Variants in RERE observed in about 807,000 individuals in gnomAD.
RERE encodes the protein arginine-glutamic acid dipeptide repeats protein.
RERE carries 40 observed loss-of-function variants against 146.1 expected under a neutral mutation model. That is an observed-to-expected ratio of 0.27 (90% CI 0.21 to 0.36). The LOEUF (loss-of-function observed/expected upper bound fraction) is 0.36, where lower values mean the gene tolerates loss of function less well. RERE is among the 10% of genes least tolerant of loss of function. The pLI, the probability that RERE is intolerant of heterozygous loss-of-function variation, is 1.00. For missense variants in RERE, 1,933 were observed against 2,138.7 expected, an observed-to-expected ratio of 0.90 and a Z score of 1.90; for synonymous variants, 1,003 against 866.0, an observed-to-expected ratio of 1.16 and a Z score of -2.78.
intron 1 of RERE, among the ~76,000 whole-genome samples, chr1:8,669,264 T>C (rs1450838140): frequency 6.6e-6 from 1 of 151,898 alleles, no homozygotes; most frequent in Non-Finnish European, 1.5e-5. Flanking sequence ...TCTGCAAAGA[T>C]GGGGTTTCAC....
At chr1:8,712,903 T>C (rs560721343) in intron 1 of RERE, among the ~76,000 whole-genome samples, 2 of 152,154 alleles carry the variant, frequency 1.3e-5, no homozygotes, top group East Asian at 3.9e-4. Flanking sequence ...GGTTGAGAAA[T>C]GTTTGTTTTA....
At chr1:8,606,433 T>G (rs1442179473) in intron 4 of RERE, among the ~76,000 whole-genome samples, 1 of 152,100 alleles carries the variant, frequency 6.6e-6, no homozygotes, top group African/African-American at 2.4e-5. Context: ...TATACATACT[T>G]TAAAAAAAAA....
At chr1:8,683,866 T>C (rs1228396517) in intron 1 of RERE, among the ~76,000 whole-genome samples, 1 of 152,068 alleles carries the variant, frequency 6.6e-6, no homozygotes, top group East Asian at 1.9e-4. Flanking sequence ...TGCTTGAACC[T>C]GGGAGGTGGA....
intron 1 of RERE, among the ~76,000 whole-genome samples, chr1:8,735,425 T>G (rs745995184): frequency 6.6e-6 from 1 of 152,236 alleles, no homozygotes; most frequent in South Asian, 2.1e-4. Context: ...CACACATATA[T>G]GTACATCTCT....
At chr1:8,373,016 T>C (rs1394276676) in intron 12 of RERE, among the ~76,000 whole-genome samples, 1 of 152,202 alleles carries the variant, frequency 6.6e-6, no homozygotes, top group African/African-American at 2.4e-5. Context: ...TCCGAAGCTA[T>C]TTCACAGGTC....
At chr1:8,693,038 T>C (rs530246783) in intron 1 of RERE, among the ~76,000 whole-genome samples, 167 of 151,808 alleles carry the variant, frequency 1.1e-3, no homozygotes, top group Non-Finnish European at 1.5e-3. Context: ...AGCAGTTATA[T>C]GAAAAAAAAA....
At chr1:8,564,826 A>ATGTGTG (rs796133984) in intron 4 of RERE, among the ~76,000 whole-genome samples, 7,912 of 117,072 alleles carry the variant, frequency 0.068, 373 homozygotes, top group East Asian at 0.16. Context: ...GTGTGTGTAT[A>ATGTGTG]TGTGTATGTG....
chr1:8,708,313 T>C (rs1639597104), intron 1 of RERE, among the ~76,000 whole-genome samples: 1 of 152,032 alleles, frequency 6.6e-6, no homozygotes, highest in African/African-American at 2.4e-5. Flanking sequence ...TTTGTTTTTG[T>C]TTTTGTTTTT....
At chr1:8,788,889 G>C (rs571754833) in intron 1 of RERE, among the ~76,000 whole-genome samples, 1 of 151,054 alleles carries the variant, frequency 6.6e-6, no homozygotes, top group Non-Finnish European at 1.5e-5. Context: ...GAGATGGCTC[G>C]GGGGAGTACA....
chr1:8,468,184 T>TAAA (rs1644628627), intron 10 of RERE, among the ~76,000 whole-genome samples: 1 of 152,202 alleles, frequency 6.6e-6, no homozygotes, highest in African/African-American at 2.4e-5. Context: ...TTAACTTATT[T>TAAA]ATTTTTATTA....
intron 12 of RERE, among the ~76,000 whole-genome samples, chr1:8,418,648 A>C (rs893868736): frequency 2.0e-5 from 3 of 152,252 alleles, no homozygotes; most frequent in Non-Finnish European, 2.9e-5. Flanking sequence ...ATGTCCTCAG[A>C]GAAGAGATAT....
intron 6 of RERE, among the ~76,000 whole-genome samples, chr1:8,555,870 A>G (rs901828752): frequency 2.0e-5 from 3 of 152,228 alleles, no homozygotes; most frequent in Non-Finnish European, 4.4e-5. Flanking sequence ...GAAATCTTCA[A>G]TATCTTTCTA....
intron 1 of RERE, among the ~76,000 whole-genome samples, chr1:8,726,204 G>C (rs1188733817): frequency 7.2e-6 from 1 of 138,062 alleles, no homozygotes; most frequent in Non-Finnish European, 1.5e-5. Context: ...GCCCAGGCTG[G>C]AGTGCAGCAG....
chr1:8,644,797 G>T (rs1647245619), intron 2 of RERE, among the ~76,000 whole-genome samples: 1 of 152,132 alleles, frequency 6.6e-6, no homozygotes, highest in Non-Finnish European at 1.5e-5. Context: ...TGCCTGACTA[G>T]ACATACAATT....
chr1:8,505,791 A>G (rs886144146), intron 8 of RERE, among the ~76,000 whole-genome samples: 20 of 152,238 alleles, frequency 1.3e-4, no homozygotes, highest in African/African-American at 4.8e-4. Context: ...TTGGCCTCCC[A>G]AAGTGCTGGG....
chr1:8,731,699 C>A (rs1640088256), intron 1 of RERE, among the ~76,000 whole-genome samples: 1 of 152,054 alleles, frequency 6.6e-6, no homozygotes, highest in Non-Finnish European at 1.5e-5. Context: ...AACAAGAAAA[C>A]TACAGGAAAC....
chr1:8,545,574 C>T (rs1645848687), intron 6 of RERE, among the ~76,000 whole-genome samples: 1 of 151,762 alleles, frequency 6.6e-6, no homozygotes, highest in African/African-American at 2.4e-5. Flanking sequence ...CGAGCACACA[C>T]AGAATGTTTA....
chr1:8,433,324 A>G (rs923287434), intron 11 of RERE, among the ~76,000 whole-genome samples: 1 of 152,184 alleles, frequency 6.6e-6, no homozygotes, highest in African/African-American at 2.4e-5. Context: ...CTATTTCCAA[A>G]AAGACATCTT....
At chr1:8,654,087 TG>T (rs1366946099) in intron 2 of RERE, among the ~76,000 whole-genome samples, 5 of 151,876 alleles carry the variant, frequency 3.3e-5, no homozygotes, top group African/African-American at 1.2e-4. Flanking sequence ...CTGCACAGGC[TG>T]CAGTGCTATG....
Sources: allele counts gnomAD v4.1 joint callset (sites outside exome capture counted in the v4.1 genomes callset), GRCh38; gene constraint gnomAD v4.1.1; transcripts MANE v1.5; gene names NCBI Gene and HGNC (gene_info 2026-07-23, HGNC 2026-07-21).